Variants in HSPG2 observed in about 807,000 individuals in gnomAD.
HSPG2 encodes the protein basement membrane-specific heparan sulfate proteoglycan core protein.
A neutral mutation model predicts 526.6 loss-of-function variants in HSPG2; 278 were observed. The observed-to-expected ratio is 0.53, with a 90% confidence interval of 0.48 to 0.58. The LOEUF is 0.58. Ranked by LOEUF, HSPG2 falls within the 20% of genes least tolerant of loss-of-function variation. The pLI, the probability that HSPG2 is intolerant of heterozygous loss-of-function variation, is 0.00. For synonymous variants in HSPG2, 2,465 were observed against 2,555.4 expected (o/e 0.96, Z 1.07); for missense variants, 5,354 against 6,099.5 (o/e 0.88, Z 4.07).
Position 21,850,412 on chromosome 1 carries a change from A to G in HSPG2, c.7245T>C (p.Pro2415=), listed in dbSNP as rs1246212096. Residue 2415 remains proline, a synonymous_variant, in exon 56 of 97, where the codon CCT becomes CCC. Coordinates refer to ENST00000374695, the MANE Select transcript of HSPG2 (RefSeq NM_005529.7). ...TGGTGACCAGGACAGAGGCCTCTAG[A>G]GGCACGGAGCTGCCCAACACTCGGC... ...YVCRVLGSSV[P]LEASVLVTIE... The G allele has an allele frequency of 9.3e-6, 15 of 1,611,548 alleles. No individual in the cohort carries two copies. The highest frequency in any genetic ancestry group is 1.3e-5 in the Non-Finnish European group (15 of 1,179,264).
chr1:21,884,715 G>A (rs774628060), intron 12 of HSPG2, 41 bp from the exon 13 acceptor site: 9 of 1,610,760 alleles, frequency 5.6e-6, no homozygotes, highest in African/African-American at 1.3e-5. Flanking sequence ...CGGCTGTGGT[G>A]GGCAGCCCGG....
intron 1 of HSPG2, among the ~76,000 whole-genome samples, chr1:21,929,633 A>C (rs80216312): frequency 0.026 from 3,779 of 147,678 alleles, 157 homozygotes; most frequent in African/African-American, 0.09. Context: ...AAGAGATCGT[A>C]AGAGAAGACA....
intron 6 of HSPG2, among the ~76,000 whole-genome samples, chr1:21,889,650 A>G (rs1642205071): frequency 6.6e-6 from 1 of 150,920 alleles, no homozygotes; most frequent in African/African-American, 2.5e-5. Context: ...AAAGGCAGTC[A>G]GTGCTCAGTA....
rs1221167658 is a variant in HSPG2, at chr1:21,848,152, T to C, written c.7738-59A>G. ...AGGTGTGGGCAGCTCCTCCACATCT[T>C]GGGCACTGCTGCCGCTGCCCCTGGA... On this transcript the variant is annotated intron_variant, in intron 59 of 96. Coordinates refer to ENST00000374695, the MANE Select transcript of HSPG2 (RefSeq NM_005529.7). This position sits in a 1 kb window ranked among gnomAD's most constrained non-coding sequence, Gnocchi z 4.9. The C allele has an allele frequency of 2.6e-5, 40 of 1,534,752 alleles. No homozygotes were observed. The highest frequency in any genetic ancestry group is 3.1e-5 in the Non-Finnish European group (35 of 1,140,326).
intron 33 of HSPG2, among the ~76,000 whole-genome samples, chr1:21,866,291 C>T (rs932174889): frequency 2.0e-5 from 3 of 152,166 alleles, no homozygotes; most frequent in Non-Finnish European, 4.4e-5. Context: ...GAAACTAAAC[C>T]GTGGTTTTCT....
At chr1:21,896,380 A>C in intron 1 of HSPG2, 70 bp from the exon 2 acceptor site, 1 of 1,564,500 alleles carries the variant, frequency 6.4e-7, no homozygotes, top group Non-Finnish European at 8.7e-7. Context: ...CCTTCCCCTC[A>C]CTTCCAGGGG....
rs550337610 is a variant in HSPG2 at position 21,861,930 on chromosome 1, G to A, written c.4868+58C>T. 1.5e-5 allele frequency: 25 copies of A among 1,613,464 alleles called. No homozygotes were observed. In the African/African-American group the frequency reaches 2.0e-4, roughly 13 times the overall value. ...CTTCTGCCCCAAAAGCCAGTGCAAC[G>A]CCTTCCACTCATTCCCCAGTGGAAG... On this transcript the variant is annotated intron_variant, in intron 38 of 96. Coordinates refer to ENST00000374695, the MANE Select transcript of HSPG2 (RefSeq NM_005529.7).
At chr1:21,861,662 A>G (rs1639797722) in intron 39 of HSPG2, 95 bp downstream of exon 39, 3 of 1,150,068 alleles carry the variant, frequency 2.6e-6, no homozygotes, top group Non-Finnish European at 3.9e-6. Context: ...GCATAATCCT[A>G]GAAGAGACTT....
At chr1:21,880,891 G>A (rs1308420906) in intron 14 of HSPG2, 56 bp from the exon 15 acceptor site, 4 of 1,479,556 alleles carry the variant, frequency 2.7e-6, no homozygotes, top group Non-Finnish European at 2.8e-6. Context: ...GACACCTCGT[G>A]CCTATGAGGT....
intron 1 of HSPG2, among the ~76,000 whole-genome samples, chr1:21,935,984 G>C (rs1644478785): frequency 6.6e-6 from 1 of 152,156 alleles, no homozygotes; most frequent in African/African-American, 2.4e-5. Context: ...CAGGAGGGTA[G>C]AGGTGCGATG....
Position 21,865,333 on chromosome 1 carries a change from T to C in HSPG2, c.4347A>G (p.Pro1449=), listed in dbSNP as rs1247152769. 1 of 1,613,938 alleles carries C rather than the reference T, an allele frequency of 6.2e-7. No individual in the cohort carries two copies. The highest frequency in any genetic ancestry group is 1.3e-5 in the African/African-American group (1 of 74,900). ...TCCTCCTCTCAGGGCCCTGCAGCGC[T>C]GGCTGGGAGGCCACTAGCATGATGT... ...GNNIMLVASQ[P]ALQGPERRSY... Residue 1449 remains proline (P), a synonymous_variant, in exon 35 of 97, where the codon CCA becomes CCG. Transcript: ENST00000374695. The surrounding 1 kb of genome is among the most constrained non-coding windows in gnomAD (Gnocchi z 5.4).
chr1:21,899,677 T>C (rs933246387), intron 1 of HSPG2, among the ~76,000 whole-genome samples: 1 of 152,242 alleles, frequency 6.6e-6, no homozygotes, highest in Admixed American at 6.5e-5. Context: ...CCACACTGCA[T>C]GCCACTTTGC....
rs568624212 is a variant in HSPG2, at chr1:21,857,366, G to C, written c.5313C>G (p.Ile1771Met). 4 of 1,613,922 alleles carry C rather than the reference G, an allele frequency of 2.5e-6. No homozygotes were observed. The highest frequency in any genetic ancestry group is 1.3e-5 in the African/African-American group (1 of 75,026). ...LLVTEAPSKP[I>M]TVTVEEQRSQ... ...TCCGCTGCTCCTCCACAGTCACTGT[G>C]ATGGGCTTGCTTGGAGCCTCTGCAG... The change falls in exon 43 of 97, where the codon ATC becomes ATG. Residue 1771 changes from isoleucine to methionine, a missense_variant. Ile to Met is a conservative substitution (Grantham distance 10). Transcript: ENST00000374695.
intron 1 of HSPG2, among the ~76,000 whole-genome samples, chr1:21,916,111 A>C (rs1402117958): frequency 6.6e-6 from 1 of 151,336 alleles, no homozygotes; most frequent in African/African-American, 2.4e-5. Flanking sequence ...TCACGCCTGT[A>C]ATCCCAGCAC....
chr1:21,929,418 T>G (rs1443589936), intron 1 of HSPG2, among the ~76,000 whole-genome samples: 1 of 151,838 alleles, frequency 6.6e-6, no homozygotes, highest in African/African-American at 2.4e-5. Flanking sequence ...TTTCTTTTTT[T>G]TTTTTAAGAG....
Position 21,829,547 on chromosome 1 carries a change from G to A in HSPG2, c.11828C>T (p.Ala3943Val). Reference protein sequence around the residue: ...SGAGSYLALPALTNTHHELRL... With the variant: ...SGAGSYLALPVLTNTHHELRL... ...TAGCTCGTGGTGTGTGTTGGTGAGG[G>A]CGGGCAGTGCCAGGTAGGAGCCAGC... Residue 3943 changes from alanine to valine, a missense_variant, in exon 87 of 97, where the codon GCC (alanine) becomes GTC (valine). Coordinates refer to ENST00000374695, the MANE Select transcript of HSPG2 (RefSeq NM_005529.7). 1 of 1,612,434 alleles carries A rather than the reference G, an allele frequency of 6.2e-7. No homozygotes were observed. The highest frequency in any genetic ancestry group is 8.5e-7 in the Non-Finnish European group (1 of 1,179,400).
chr1:21,937,284 CCCGCTCGCCGG>C lies in HSPG2; in HGVS notation c.-78_-68del, dbSNP rs1644517034. The C allele has an allele frequency of 1.8e-6, 1 of 559,458 alleles. No homozygotes were observed. The highest frequency in any genetic ancestry group is 2.1e-5 in the African/African-American group (1 of 47,458). The allele number at this position is 559,458 out of a possible 1,614,324, so 34.7% of individuals were successfully genotyped here. On this transcript the variant is annotated 5_prime_UTR_variant, in exon 1 of 97. Transcript: ENST00000374695. The stretch of plus-strand genomic sequence containing the variant: ...GCCCGCTCCGCGCCGCCCGCAGCCG[CCCGCTCGCCGG>C]CCAGCTCGGGACAGCGCGGCCCTCT...
Position 21,822,283 on chromosome 1 carries a change from A to C in HSPG2, c.*1033T>G. The stretch of plus-strand genomic sequence containing the variant: ...CCGTTTATTAAGAAAAATCAAGACA[A>C]AGACCACAGGAGGGTCCCTTCTAGG... On this transcript the variant is annotated 3_prime_UTR_variant, in exon 97 of 97. Transcript: ENST00000374695. The C allele has an allele frequency of 2.0e-6, 3 of 1,507,668 alleles. No individual in the cohort carries two copies. The highest frequency in any genetic ancestry group is 2.8e-6 in the Non-Finnish European group (3 of 1,084,020). The allele number at this position is 1,507,668 out of a possible 1,614,324, so 93.4% of individuals were successfully genotyped here.
Position 21,872,814 on chromosome 1 carries a change from C to T in HSPG2, c.3889-54G>A, listed in dbSNP as rs775255903. On this transcript the variant is annotated intron_variant, in intron 31 of 96. Coordinates refer to ENST00000374695, the MANE Select transcript of HSPG2 (RefSeq NM_005529.7). The surrounding 1 kb of genome is among the most constrained non-coding windows in gnomAD (Gnocchi z 5.5). ...AGGGGACTCAGTGGGTCTCCTGCACCCCCAGCAGCCTGAGGCCAGCCTCCC... is the reference window on the plus strand; with the variant it reads ...AGGGGACTCAGTGGGTCTCCTGCACTCCCAGCAGCCTGAGGCCAGCCTCCC... The T allele has an allele frequency of 6.3e-7, 1 of 1,589,194 alleles. No individual in the cohort carries two copies. Among genetic ancestry groups the T allele is most frequent in the African/African-American group, 1.3e-5 (1 of 74,652 alleles).
Sources: allele counts gnomAD v4.1 joint callset (sites outside exome capture counted in the v4.1 genomes callset), GRCh38; gene constraint gnomAD v4.1.1; non-coding constraint Gnocchi (gnomAD v3.1); transcripts MANE v1.5; gene names NCBI Gene and HGNC (gene_info 2026-07-23, HGNC 2026-07-21).